The following ATF6 variants were observed in gnomAD, a reference collection of about 807,000 sequenced individuals.
ATF6 encodes cyclic AMP-dependent transcription factor ATF-6 alpha.
ATF6 carries 53 observed loss-of-function variants against 83.6 expected under a neutral mutation model. The ratio of observed to expected loss-of-function variants is 0.63; its 90% CI spans 0.51 to 0.80. The LOEUF is 0.80. Among genes scored for constraint, ATF6 ranks in the 30% least tolerant of loss-of-function variants. ATF6 has a pLI of 0.00. For missense variants in ATF6, 744 were observed against 797.9 expected (o/e 0.93, Z 0.81); for synonymous variants, 288 against 285.8 (o/e 1.01, Z -0.08).
At chr1:161,943,637 C>A (rs1232440968) in intron 15 of ATF6, among the ~76,000 whole-genome samples, 1 of 152,118 alleles carries the variant, frequency 6.6e-6, no homozygotes. Context: ...GCCTCTATAC[C>A]TGCTCTTCCC....
chr1:161,780,608 C>T (rs959729652), intron 2 of ATF6, among the ~76,000 whole-genome samples: 13 of 151,942 alleles, frequency 8.6e-5, no homozygotes, highest in African/African-American at 2.4e-5. Flanking sequence ...CTCCTGACCT[C>T]GTGATCCACC....
At chr1:161,829,995 G>A (rs1158328047) in intron 9 of ATF6, among the ~76,000 whole-genome samples, 1 of 152,136 alleles carries the variant, frequency 6.6e-6, no homozygotes, top group Non-Finnish European at 1.5e-5. Flanking sequence ...ATTCAATTAG[G>A]AAAAGAGGAA....
At chr1:161,847,581 A>G (rs12081397) in intron 10 of ATF6, among the ~76,000 whole-genome samples, 40,055 of 152,010 alleles carry the variant, frequency 0.26, 8,879 homozygotes, top group African/African-American at 0.61. Flanking sequence ...GCTTTTTTAC[A>G]TGCCAAAATT....
intron 9 of ATF6, among the ~76,000 whole-genome samples, chr1:161,843,116 A>C (rs551565735): frequency 6.6e-6 from 1 of 152,184 alleles, no homozygotes; most frequent in Non-Finnish European, 1.5e-5. Context: ...TGAAGGGTGC[A>C]CTCACGCATG....
intron 9 of ATF6, among the ~76,000 whole-genome samples, chr1:161,823,040 A>G (rs1685803151): frequency 1.3e-5 from 2 of 152,142 alleles, no homozygotes; most frequent in South Asian, 4.1e-4. Context: ...TAAATGTGCC[A>G]TAATTTAGCA....
At chr1:161,907,622 G>A (rs1008662205) in intron 14 of ATF6, among the ~76,000 whole-genome samples, 1 of 152,182 alleles carries the variant, frequency 6.6e-6, no homozygotes, top group African/African-American at 2.4e-5. Context: ...CCAACCTTGA[G>A]CCAGAGTTTT....
chr1:161,868,219 G>GT (rs1213434996), intron 14 of ATF6, among the ~76,000 whole-genome samples: 2 of 152,084 alleles, frequency 1.3e-5, no homozygotes, highest in Non-Finnish European at 2.9e-5. Flanking sequence ...TGATTGGGTA[G>GT]TTCTGGTCAC....
intron 7 of ATF6, among the ~76,000 whole-genome samples, chr1:161,816,992 T>G (rs966767133): frequency 6.6e-6 from 1 of 152,224 alleles, no homozygotes; most frequent in South Asian, 2.1e-4. Flanking sequence ...TTTTACTGTC[T>G]TTATCCTCTG....
chr1:161,948,988 A>G (rs1688813086), intron 15 of ATF6, among the ~76,000 whole-genome samples: 1 of 152,238 alleles, frequency 6.6e-6, no homozygotes, highest in Non-Finnish European at 1.5e-5. Context: ...TCAGACATTG[A>G]CTTCTCAGAC....
At chr1:161,768,694 G>T (rs929144931) in intron 1 of ATF6, among the ~76,000 whole-genome samples, 1 of 152,036 alleles carries the variant, frequency 6.6e-6, no homozygotes, top group Non-Finnish European at 1.5e-5. Flanking sequence ...CTCCTGAGTC[G>T]CTAGGACTAC....
Position 161,895,181 on chromosome 1 carries a change from A to T in ATF6, c.1720-17115A>T, listed in dbSNP as rs376198317. Among the ~76,000 whole-genome samples, 19 of 152,232 alleles carry T rather than the reference A, an allele frequency of 1.2e-4. No homozygotes were observed. The South Asian group carries it at 3.9e-3, about 32-fold the overall frequency. On this transcript the variant is annotated intron_variant, in intron 14 of 15. Coordinates refer to ENST00000367942, the MANE Select transcript of ATF6 (RefSeq NM_007348.4). The stretch of plus-strand genomic sequence containing the variant: ...GAACCCAGGAGGCAGAAGTTGTAGT[A>T]AGCTGAGATCATGCCACTGCACTCC...
intron 4 of ATF6, among the ~76,000 whole-genome samples, chr1:161,785,036 C>T (rs1233437679): frequency 6.6e-6 from 1 of 152,170 alleles, no homozygotes; most frequent in East Asian, 1.9e-4. Context: ...GATCTGGCCC[C>T]CATTTACTTT....
At chr1:161,898,114 A>C (rs1687712633) in intron 14 of ATF6, among the ~76,000 whole-genome samples, 1 of 152,194 alleles carries the variant, frequency 6.6e-6, no homozygotes, top group Non-Finnish European at 1.5e-5. Context: ...AATTCAGTAA[A>C]AGCCATTCAG....
intron 12 of ATF6, among the ~76,000 whole-genome samples, chr1:161,856,790 G>A (rs995999018): frequency 7.9e-5 from 12 of 152,158 alleles, no homozygotes; most frequent in Non-Finnish European, 1.6e-4. Context: ...AATGAATAGA[G>A]CATTTACTGT....
intron 14 of ATF6, among the ~76,000 whole-genome samples, chr1:161,875,433 G>C (rs1056461086): frequency 2.6e-5 from 4 of 151,752 alleles, no homozygotes; most frequent in African/African-American, 9.7e-5. Flanking sequence ...ACTGAGTTAT[G>C]CAGATCTTCC....
intron 15 of ATF6, among the ~76,000 whole-genome samples, chr1:161,956,499 TTA>T (rs1688968908): frequency 6.6e-6 from 1 of 152,208 alleles, no homozygotes; most frequent in Non-Finnish European, 1.5e-5. Context: ...ATTGGCTAAC[TTA>T]TAGACTTTCA....
At chr1:161,898,723 T>C (rs1687725124) in intron 14 of ATF6, among the ~76,000 whole-genome samples, 1 of 152,070 alleles carries the variant, frequency 6.6e-6, no homozygotes, top group African/African-American at 2.4e-5. Context: ...AATTTTTGTA[T>C]TTTTAGTAGA....
In ATF6 at chr1:161,766,352, A is replaced by G. The variant is rs182701901; in HGVS notation, c.-9A>G. ...AATCACGGAGTTCCAGGGAGAAGGA[A>G]CTTGTGAAATGGGGGAGCCGGCTGG... On this transcript the variant is annotated 5_prime_UTR_variant, in exon 1 of 16. Transcript: ENST00000367942. 6.2e-6 allele frequency: 10 copies of G among 1,613,106 alleles called. No homozygotes were observed. In the East Asian group the frequency reaches 1.1e-4, roughly 18 times the overall value.
chr1:161,791,034 G>A (rs1032693800), intron 4 of ATF6, among the ~76,000 whole-genome samples: 4 of 151,620 alleles, frequency 2.6e-5, no homozygotes, highest in Admixed American at 2.0e-4. Context: ...GATACTGAAT[G>A]TTTGTATGAC....
Sources: allele counts gnomAD v4.1 joint callset (sites outside exome capture counted in the v4.1 genomes callset), GRCh38; gene constraint gnomAD v4.1.1; transcripts MANE v1.5; gene names NCBI Gene and HGNC (gene_info 2026-07-23, HGNC 2026-07-21).